The following VPS13B variants were observed in gnomAD, a reference collection of about 807,000 sequenced individuals.
VPS13B encodes vacuolar protein sorting 13 homolog B.
VPS13B carries 285 observed loss-of-function variants against 426.4 expected under a neutral mutation model. The ratio of observed to expected loss-of-function variants is 0.67; its 90% CI spans 0.61 to 0.74. The LOEUF is 0.74. VPS13B is among the 30% of genes least tolerant of loss of function. VPS13B has a pLI of 0.00. For missense variants in VPS13B, 4,537 were observed against 4,782.6 expected (o/e 0.95, Z 1.51); for synonymous variants, 1,676 against 1,676.4 (o/e 1.00, Z 0.01).
intron 8 of VPS13B, among the ~76,000 whole-genome samples, chr8:99,130,563 A>AT (rs1271452764): frequency 2.6e-5 from 4 of 151,048 alleles, no homozygotes; most frequent in African/African-American, 7.3e-5. Flanking sequence ...AATTTTTTGT[A>AT]TTTTTTTTAG....
At chr8:99,061,158 G>A (rs115817529) in intron 3 of VPS13B, among the ~76,000 whole-genome samples, 203 of 152,198 alleles carry the variant, frequency 1.3e-3, no homozygotes, top group African/African-American at 4.8e-3. Flanking sequence ...AAAGACATAA[G>A]GAACACAGAT....
chr8:99,433,686 TATAA>T (rs1372258267), intron 22 of VPS13B, among the ~76,000 whole-genome samples: 1 of 152,228 alleles, frequency 6.6e-6, no homozygotes, highest in Non-Finnish European at 1.5e-5. Context: ...TATCAGAAAG[TATAA>T]ATAGTTGTAA....
At chr8:99,446,111 C>T (rs1817907199) in intron 23 of VPS13B, among the ~76,000 whole-genome samples, 1 of 152,212 alleles carries the variant, frequency 6.6e-6, no homozygotes, top group Non-Finnish European at 1.5e-5. Flanking sequence ...CTTTAGTAGT[C>T]ATTCCTTTTC....
intron 19 of VPS13B, among the ~76,000 whole-genome samples, chr8:99,277,102 C>T (rs1308240025): frequency 2.0e-5 from 3 of 151,916 alleles, no homozygotes; most frequent in Admixed American, 6.6e-5. Flanking sequence ...TTATCTGTGA[C>T]ACCTATAATA....
intron 5 of VPS13B, among the ~76,000 whole-genome samples, chr8:99,106,269 T>C (rs185109188): frequency 1.3e-5 from 2 of 151,094 alleles, no homozygotes; most frequent in East Asian, 3.9e-4. Flanking sequence ...CCATCTCTAC[T>C]AAAAATACAA....
rs922045583 is a variant in VPS13B, at chr8:99,675,405, G to T, written c.6046+13914G>T. 5.3e-5 allele frequency among the ~76,000 whole-genome samples: 8 copies of T among 152,096 alleles called. No individual in the cohort carries two copies. In the East Asian group the frequency reaches 1.2e-3, roughly 22 times the overall value. ...CTTTGTCTTTGATCTTTGATAGTTT[G>T]ATTGTAATATGTCTTTGGGTAATCT... is the stretch of plus-strand genomic sequence containing the variant. On this transcript the variant is annotated intron_variant, in intron 35 of 61. Transcript: ENST00000357162.
intron 12 of VPS13B, among the ~76,000 whole-genome samples, chr8:99,141,929 T>C (rs1337604159): frequency 6.7e-6 from 1 of 149,600 alleles, no homozygotes; most frequent in East Asian, 2.0e-4. Context: ...GGTGGGCGCC[T>C]GTAGTACCAG....
At chr8:99,211,266 C>T (rs7016304) in intron 17 of VPS13B, among the ~76,000 whole-genome samples, 122,372 of 152,136 alleles carry the variant, frequency 0.8, 49,717 homozygotes, top group South Asian at 0.89. Context: ...GAGGACAAGC[C>T]TGAAGCTGTC....
At chr8:99,712,483 C>T (rs1354375868) in intron 36 of VPS13B, among the ~76,000 whole-genome samples, 1 of 152,156 alleles carries the variant, frequency 6.6e-6, no homozygotes, top group Non-Finnish European at 1.5e-5. Flanking sequence ...CCCGGCAAAC[C>T]AGTCATTGGA....
At chr8:99,829,220 A>G (rs1001857326) in intron 51 of VPS13B, among the ~76,000 whole-genome samples, 5 of 152,116 alleles carry the variant, frequency 3.3e-5, no homozygotes, top group African/African-American at 9.7e-5. Flanking sequence ...TCTCCCCGTC[A>G]CTTTTAGGTA....
chr8:99,171,475 A>C (rs917898854), intron 16 of VPS13B, among the ~76,000 whole-genome samples: 20 of 152,144 alleles, frequency 1.3e-4, no homozygotes, highest in African/African-American at 4.8e-4. Context: ...AATTTCTTTA[A>C]AAAAGTCCAT....
intron 33 of VPS13B, among the ~76,000 whole-genome samples, chr8:99,593,875 G>T (rs750645384): frequency 3.3e-5 from 5 of 152,054 alleles, no homozygotes; most frequent in Non-Finnish European, 5.9e-5. Flanking sequence ...CATGGACACA[G>T]GTTGGGGAAC....
chr8:99,149,758 G>A (rs1810960927), intron 14 of VPS13B, among the ~76,000 whole-genome samples: 1 of 152,128 alleles, frequency 6.6e-6, no homozygotes, highest in African/African-American at 2.4e-5. Context: ...AATGGCAGGT[G>A]AGTGAGCGTT....
At chr8:99,444,065 G>A (rs946884800) in intron 23 of VPS13B, among the ~76,000 whole-genome samples, 2 of 151,154 alleles carry the variant, frequency 1.3e-5, no homozygotes, top group African/African-American at 4.9e-5. Flanking sequence ...ACTGGAGAGA[G>A]CAATTAATTT....
At chr8:99,813,601 A>G (rs1477118859) in intron 44 of VPS13B, among the ~76,000 whole-genome samples, 2 of 152,228 alleles carry the variant, frequency 1.3e-5, no homozygotes, top group African/African-American at 4.8e-5. Flanking sequence ...GTTGACTTTT[A>G]TGGTTTGTTA....
chr8:99,038,316 T>G, intron 2 of VPS13B, 107 bp from the exon 3 acceptor site: 1 of 918,438 alleles, frequency 1.1e-6, no homozygotes, highest in South Asian at 1.9e-5. Context: ...AATAAGTCTC[T>G]GAATATTCTT....
intron 43 of VPS13B, among the ~76,000 whole-genome samples, chr8:99,788,923 A>G (rs951186795): frequency 1.3e-5 from 2 of 152,194 alleles, no homozygotes; most frequent in African/African-American, 4.8e-5. Flanking sequence ...TGGTATTCCT[A>G]TCATTTGAAA....
chr8:99,467,626 A>G lies in VPS13B; in HGVS notation c.3658A>G (p.Asn1220Asp). 1 of 1,613,598 alleles carries G rather than the reference A, an allele frequency of 6.2e-7. No homozygotes were observed. Among genetic ancestry groups the G allele is most frequent in the Non-Finnish European group, 8.5e-7 (1 of 1,179,640 alleles). ...AGAGTCACTAGAGATAAAATGCTCTAATCCCCAGGTTGGTACATTTGATTT... is the reference window on the plus strand; with the variant it reads ...AGAGTCACTAGAGATAAAATGCTCTGATCCCCAGGTTGGTACATTTGATTT... The part of the protein sequence containing the change: ...DLESLEIKCS[N>D]PQVQLFYELT... Residue 1220 changes from asparagine to aspartate, a missense_variant, in exon 24 of 62, where the codon AAT becomes GAT. Around this residue, in one of 2 missense-constraint regions of VPS13B, gnomAD observed 4,311 missense variants for 4,474.3 expected, o/e 0.96. Coordinates refer to ENST00000357162, the MANE Select transcript of VPS13B (RefSeq NM_152564.5).
At chr8:99,562,081 T>A (rs1824951498) in intron 31 of VPS13B, among the ~76,000 whole-genome samples, 1 of 152,116 alleles carries the variant, frequency 6.6e-6, no homozygotes, top group Non-Finnish European at 1.5e-5. Context: ...AATACTCACT[T>A]TTCTTTCTTT....
Sources: gnomAD v4.1 joint callset for allele counts (sites outside exome capture counted in the v4.1 genomes callset) on GRCh38, gnomAD v4.1.1 for gene constraint, gnomAD v4.1.1 regional missense constraint, MANE v1.5 for transcripts, NCBI Gene and HGNC (gene_info 2026-07-23, HGNC 2026-07-21) for gene names.